MRPS10: variants seen among roughly 807,000 people sequenced by gnomAD.
MRPS10 encodes the protein mitochondrial ribosomal protein S10, also known as small ribosomal subunit protein uS10m.
MRPS10 carries 23 observed loss-of-function variants against 27.5 expected under a neutral mutation model. That is an observed-to-expected ratio of 0.84 (90% CI 0.60 to 1.18). MRPS10 has a LOEUF of 1.18. Among genes scored for constraint, MRPS10 ranks in the 50% most tolerant of loss-of-function variants. MRPS10 has a pLI of 0.00. For synonymous variants in MRPS10, 88 were observed against 84.2 expected (o/e 1.04, Z -0.25); for missense variants, 237 against 240.1 (o/e 0.99, Z 0.09).
chr6:42,210,363 T>G (rs1768742337), intron 5 of MRPS10, 125 bp downstream of exon 5: 3 of 403,486 alleles, frequency 7.4e-6, no homozygotes, highest in Non-Finnish European at 1.3e-5. Flanking sequence ...GATATTTACC[T>G]TCTGTACAAC....
chr6:42,212,446 A>C (rs1768809980), intron 3 of MRPS10, among the ~76,000 whole-genome samples: 2 of 152,202 alleles, frequency 1.3e-5, no homozygotes, highest in Non-Finnish European at 2.9e-5. Context: ...TTATTATACA[A>C]AGCCAAGTTA....
intron 3 of MRPS10, among the ~76,000 whole-genome samples, chr6:42,212,575 T>C (rs562718846): frequency 1.4e-4 from 21 of 152,350 alleles, no homozygotes; most frequent in Non-Finnish European, 2.6e-4. Flanking sequence ...CTTCAACCTC[T>C]TCCACCCTAA....
At chr6:42,209,477 G>C (rs1401174347) in intron 5 of MRPS10, among the ~76,000 whole-genome samples, 1 of 152,108 alleles carries the variant, frequency 6.6e-6, no homozygotes, top group African/African-American at 2.4e-5. Flanking sequence ...CGCAGGCACA[G>C]TGGCTCACAC....
At chr6:42,216,381 A>AGTGTGTGTGTGT (rs1171760790) in intron 1 of MRPS10, among the ~76,000 whole-genome samples, 45 of 31,984 alleles carry the variant, frequency 1.4e-3, no homozygotes, top group African/African-American at 1.5e-3. Context: ...AGAGAGAGAG[A>AGTGTGTGTGTGT]GAGAGTGTGT....
chr6:42,217,671 T>C (rs1176861634), intron 1 of MRPS10, 131 bp downstream of exon 1: 5 of 882,110 alleles, frequency 5.7e-6, no homozygotes, highest in Non-Finnish European at 8.9e-6. Flanking sequence ...TTCTCGTCAC[T>C]TTCCTGTAAA....
rs746047030 is a variant in MRPS10 at position 42,217,817 on chromosome 6, G to A, written c.33C>T (p.Cys11=). ...AATCCAGTACCTGCCAGAGGCGCCGGCACACAGCACCGAACGCTGTCCGCG... is the reference window on the plus strand; with the variant it reads ...AATCCAGTACCTGCCAGAGGCGCCGACACACAGCACCGAACGCTGTCCGCG... MAARTAFGAV[C]RRLWQGLGNF... The change falls in exon 1 of 7, where the codon TGC becomes TGT. Residue 11 remains cysteine, a synonymous_variant. Transcript: ENST00000053468. 5 of 1,614,050 alleles carry A rather than the reference G, an allele frequency of 3.1e-6. No homozygotes were observed. The highest frequency in any genetic ancestry group is 4.2e-6 in the Non-Finnish European group (5 of 1,179,988).
chr6:42,216,005 C>G (rs377588337), intron 1 of MRPS10, among the ~76,000 whole-genome samples: 5 of 141,372 alleles, frequency 3.5e-5, no homozygotes, highest in Non-Finnish European at 7.6e-5. Context: ...TCTGCTTTTT[C>G]TTTTCTTTTT....
intron 3 of MRPS10, among the ~76,000 whole-genome samples, chr6:42,212,942 A>G (rs1196599957): frequency 6.6e-6 from 1 of 152,230 alleles, no homozygotes; most frequent in Non-Finnish European, 1.5e-5. Context: ...TTCACAAGAA[A>G]ATCTGGATTT....
intron 3 of MRPS10, among the ~76,000 whole-genome samples, chr6:42,212,283 T>C (rs912888406): frequency 2.0e-5 from 3 of 152,226 alleles, no homozygotes; most frequent in African/African-American, 7.2e-5. Flanking sequence ...GCTCTGCTAA[T>C]GGTAGCTGAA....
chr6:42,209,727 G>A (rs2113860086), intron 5 of MRPS10, among the ~76,000 whole-genome samples: 1 of 123,602 alleles, frequency 8.1e-6, no homozygotes, highest in African/African-American at 3.0e-5. Context: ...CCTAGGTGGT[G>A]ACAGAGTGAG....
At position 42,208,350 on chromosome 6, in the gene MRPS10, T is replaced by G; in HGVS notation, c.545A>C (p.Glu182Ala). 6.2e-7 allele frequency: 1 copy of G among 1,610,926 alleles called. No individual in the cohort carries two copies. The highest frequency in any genetic ancestry group is 8.5e-7 in the Non-Finnish European group (1 of 1,177,778). Reference protein sequence around the residue: ...VTKTQLEQLPEHIKEPIWETL... With the variant: ...VTKTQLEQLPAHIKEPIWETL... ...TTCCCAGATTGGCTCCTTGATGTGTTCTGGTAACTGTTCTAATTGTGTCTA... is the reference window on the plus strand; with the variant it reads ...TTCCCAGATTGGCTCCTTGATGTGTGCTGGTAACTGTTCTAATTGTGTCTA... Residue 182 changes from glutamate to alanine, a missense_variant, in exon 7 of 7, where the codon GAA (glutamate) becomes GCA (alanine). By Grantham distance (107) the Glu-to-Ala change is moderately radical. Around this residue, in one of 3 missense-constraint regions of MRPS10, gnomAD observed 62 missense variants for 68.2 expected, o/e 0.91. Coordinates refer to ENST00000053468, the MANE Select transcript of MRPS10 (RefSeq NM_018141.4).
intron 5 of MRPS10, among the ~76,000 whole-genome samples, chr6:42,210,041 T>C (rs1416089340): frequency 2.6e-5 from 4 of 152,212 alleles, no homozygotes; most frequent in African/African-American, 7.2e-5. Flanking sequence ...GATTCTGGCA[T>C]TGGCAGTCTG....
chr6:42,216,359 T>TGA (rs373981686), intron 1 of MRPS10, among the ~76,000 whole-genome samples: 4,020 of 58,094 alleles, frequency 0.069, 398 homozygotes, highest in African/African-American at 0.17. Context: ...TTGTATTTCT[T>TGA]GAGAGAGAGA....
chr6:42,217,825 C>A lies in MRPS10; in HGVS notation c.25G>T (p.Ala9Ser), dbSNP rs146697340. Residue 9 changes from alanine to serine, a missense_variant, in exon 1 of 7, where the codon GCT becomes TCT. Physicochemically the swap from Ala to Ser is moderately conservative, Grantham distance 99. Transcript: ENST00000053468. MAARTAFG[A>S]VCRRLWQGLG... ...ACCTGCCAGAGGCGCCGGCACACAG[C>A]ACCGAACGCTGTCCGCGCCGCCATC... 10 of 1,614,144 alleles carry A rather than the reference C, an allele frequency of 6.2e-6. No individual in the cohort carries two copies. The highest frequency in any genetic ancestry group is 5.5e-5 in the South Asian group (5 of 91,076).
rs746781070 is a variant in MRPS10, at chr6:42,211,781, A to G, written c.323T>C (p.Val108Ala). ...AAKELGISIK[V>A]HEPPRKIERF... The stretch of plus-strand genomic sequence containing the variant: ...TCGGGTCAGGAAAGGCCATACTCAC[A>G]CTTTAATAGAGATACCAAGTTCTTT... Residue 108 changes from valine (V) to alanine (A), a missense_variant and splice_region_variant, in exon 4 of 7, where the codon GTA (valine) becomes GCA (alanine). Physicochemically the swap from Val to Ala is moderately conservative, Grantham distance 64 (BLOSUM62 0). This residue lies in a region of MRPS10 where 164 missense variants were observed against 137.8 expected (regional missense o/e 1.19). Transcript: ENST00000053468. 3 of 1,612,166 alleles carry G rather than the reference A, an allele frequency of 1.9e-6. No homozygotes were observed.
intron 3 of MRPS10, 91 bp downstream of exon 3, chr6:42,214,027 CAT>C: frequency 1.9e-6 from 2 of 1,057,922 alleles, no homozygotes; most frequent in Non-Finnish European, 2.7e-6. Flanking sequence ...TTTTTTTATT[CAT>C]AGAGTGTTTG....
intron 6 of MRPS10, 32 bp from the exon 7 acceptor site, chr6:42,208,404 G>T: frequency 2.1e-6 from 3 of 1,451,734 alleles, no homozygotes; most frequent in Non-Finnish European, 2.9e-6. Flanking sequence ...ACTATAATGT[G>T]GATTTAACAG....
At chr6:42,211,983 A>T (rs1207993113) in intron 3 of MRPS10, 66 bp from the exon 4 acceptor site, 1 of 1,432,578 alleles carries the variant, frequency 7.0e-7, no homozygotes, top group East Asian at 2.3e-5. Flanking sequence ...AATTTAAAAC[A>T]TTAGCCTCAA....
chr6:42,217,832 C>T lies in MRPS10; in HGVS notation c.18G>A (p.Ala6=). ...AGAGGCGCCGGCACACAGCACCGAA[C>T]GCTGTCCGCGCCGCCATCTTGCCGG... MAART[A]FGAVCRRLWQ... Residue 6 remains alanine (A), a synonymous_variant, in exon 1 of 7, where the codon GCG becomes GCA. Transcript: ENST00000053468. 1 of 1,614,130 alleles carries T rather than the reference C, an allele frequency of 6.2e-7. No homozygotes were observed. Among genetic ancestry groups the T allele is most frequent in the Non-Finnish European group, 8.5e-7 (1 of 1,179,994 alleles).
Sources: gnomAD v4.1 joint callset for allele counts (sites outside exome capture counted in the v4.1 genomes callset) on GRCh38, gnomAD v4.1.1 for gene constraint, gnomAD v4.1.1 regional missense constraint, MANE v1.5 for transcripts, NCBI Gene and HGNC (gene_info 2026-07-23, HGNC 2026-07-21) for gene names.